Variants in PRR16 observed in about 807,000 individuals in gnomAD.
PRR16 encodes the protein protein Largen.
PRR16 carries 6 observed loss-of-function variants against 18.2 expected under a neutral mutation model. The ratio of observed to expected loss-of-function variants is 0.33; its 90% CI spans 0.18 to 0.65. The LOEUF (loss-of-function observed/expected upper bound fraction) is 0.65. Ranked by LOEUF, PRR16 falls within the 30% of genes least tolerant of loss-of-function variation. PRR16 has a pLI of 0.74. For synonymous variants in PRR16, 151 were observed against 147.8 expected, an observed-to-expected ratio of 1.02 and a Z score of -0.16; for missense variants, 412 against 376.6, an observed-to-expected ratio of 1.09 and a Z score of -0.78.
chr5:120,637,293 C>T lies in PRR16; in HGVS notation c.160-48661C>T, dbSNP rs150645102. 2.6e-3 allele frequency among the ~76,000 whole-genome samples: 297 copies of T among 113,600 alleles called. 3 individuals are homozygous for T. The highest frequency in any genetic ancestry group is 0.014 in the Middle Eastern group (2 of 142). 74.5% of individuals were successfully genotyped at this position (113,600 alleles called of 152,430 possible). A position where few individuals can be genotyped will look rare whatever the true frequency, so the allele number is the denominator to read the frequency against. ...GCAATCCTGCTACTAGGTATCTAGC[C>T]GGAGGAAAGTAAGCCATTATACGGA... On this transcript the variant is annotated intron_variant, in intron 1 of 1. Transcript: ENST00000407149.
At chr5:120,487,562 T>A (rs1358601964) in intron 1 of PRR16, among the ~76,000 whole-genome samples, 1 of 151,974 alleles carries the variant, frequency 6.6e-6, no homozygotes, top group Non-Finnish European at 1.5e-5. Context: ...GACGATGGGG[T>A]TTTCTAGATA....
chr5:120,523,844 A>G (rs1299345202), intron 1 of PRR16, among the ~76,000 whole-genome samples: 3 of 152,202 alleles, frequency 2.0e-5, no homozygotes, highest in African/African-American at 7.2e-5. Flanking sequence ...AGCTCATGTC[A>G]GAAACACTCT....
intron 1 of PRR16, among the ~76,000 whole-genome samples, chr5:120,583,812 A>G (rs1363341606): frequency 6.6e-6 from 1 of 152,140 alleles, no homozygotes; most frequent in African/African-American, 2.4e-5. Flanking sequence ...GGGATCTCAG[A>G]CCACTGGCAC....
the PRR16 span, among the ~76,000 whole-genome samples, chr5:120,754,362 A>AT: frequency 3.6e-5 from 2 of 55,040 alleles, no homozygotes; most frequent in African/African-American, 9.4e-5. Context: ...TGATGTATAT[A>AT]AATATATAAT....
chr5:120,577,473 C>G (rs1488824849), intron 1 of PRR16, among the ~76,000 whole-genome samples: 2 of 151,536 alleles, frequency 1.3e-5, no homozygotes, highest in Non-Finnish European at 2.9e-5. Flanking sequence ...AGGAATAATA[C>G]CAATGTTCAT....
the PRR16 span, among the ~76,000 whole-genome samples, chr5:120,701,979 G>A: frequency 1.3e-5 from 2 of 152,098 alleles, no homozygotes; most frequent in African/African-American, 2.4e-5. Flanking sequence ...AGGCATTTAG[G>A]TTTTAGGTCA....
the PRR16 span, among the ~76,000 whole-genome samples, chr5:120,754,401 T>TTATACTATATGGTATATATTATATAATA: frequency 1.5e-5 from 1 of 67,212 alleles, no homozygotes; most frequent in African/African-American, 6.7e-5. Flanking sequence ...ATGTTATATA[T>TTATACTATATGGTATATATTATATAATA]TATACTATAT....
chr5:120,501,434 C>A (rs1405500472), intron 1 of PRR16, among the ~76,000 whole-genome samples: 3 of 151,940 alleles, frequency 2.0e-5, no homozygotes, highest in Non-Finnish European at 2.9e-5. Context: ...CACACACACA[C>A]TCAAATAAAT....
At chr5:120,576,783 C>G (rs960031185) in intron 1 of PRR16, among the ~76,000 whole-genome samples, 1 of 152,064 alleles carries the variant, frequency 6.6e-6, no homozygotes, top group African/African-American at 2.4e-5. Flanking sequence ...TCCTGGCTTA[C>G]AGGCCTTAAT....
At chr5:120,745,446 A>G in the PRR16 span, among the ~76,000 whole-genome samples, 1 of 152,036 alleles carries the variant, frequency 6.6e-6, no homozygotes, top group Non-Finnish European at 1.5e-5. Context: ...ATGGATTTTT[A>G]GCAGATTTTT....
intron 1 of PRR16, among the ~76,000 whole-genome samples, chr5:120,610,482 A>C (rs972534735): frequency 2.0e-5 from 3 of 152,020 alleles, no homozygotes; most frequent in African/African-American, 7.2e-5. Context: ...CTTGAGTTAC[A>C]TGTCTCAGGA....
rs570903131 is a variant in PRR16 at position 120,469,993 on chromosome 5, T to A, written c.159+5348T>A. On this transcript the variant is annotated intron_variant, in intron 1 of 1. Transcript: ENST00000407149. ...TAGATAATAAAGCCAGTGTAATAGG[T>A]TTCATTATTACCTGGATTATGTTAT... Among the ~76,000 whole-genome samples the A allele has an allele frequency of 9.9e-5, 15 of 152,258 alleles. No individual in the cohort carries two copies. In the East Asian group the frequency reaches 2.7e-3, roughly 27 times the overall value.
intron 1 of PRR16, among the ~76,000 whole-genome samples, chr5:120,628,764 T>C (rs1329417240): frequency 6.6e-6 from 1 of 151,772 alleles, no homozygotes; most frequent in Non-Finnish European, 1.5e-5. Context: ...TATCTGTCTT[T>C]CCCATCTAAC....
At chr5:120,711,648 T>C in the PRR16 span, among the ~76,000 whole-genome samples, 8 of 152,168 alleles carry the variant, frequency 5.3e-5, no homozygotes, top group Admixed American at 2.0e-4. Flanking sequence ...TGGACACACT[T>C]GGCCACCAAG....
At chr5:120,488,135 T>C (rs1326418521) in intron 1 of PRR16, among the ~76,000 whole-genome samples, 10 of 152,200 alleles carry the variant, frequency 6.6e-5, no homozygotes, top group Non-Finnish European at 7.3e-5. Context: ...TCTGCCCGGC[T>C]TTGGTATCAG....
Position 120,609,416 on chromosome 5 carries a change from A to T in PRR16, c.160-76538A>T, listed in dbSNP as rs190795310. 4.5e-3 allele frequency among the ~76,000 whole-genome samples: 689 copies of T among 152,160 alleles called. 7 individuals are homozygous for T. The highest frequency in any genetic ancestry group is 0.016 in the African/African-American group (661 of 41,528). ...CTCTATCCTACTTTCTAAAAAAAAA[A>T]TTTTTAAAAAAGGAATATTCTTTAT... On this transcript the variant is annotated intron_variant, in intron 1 of 1. Coordinates refer to ENST00000407149, the MANE Select transcript of PRR16 (RefSeq NM_001300783.2).
intron 1 of PRR16, among the ~76,000 whole-genome samples, chr5:120,581,470 C>G (rs1336194471): frequency 6.6e-6 from 1 of 152,140 alleles, no homozygotes; most frequent in Non-Finnish European, 1.5e-5. Flanking sequence ...AAAAAACCAG[C>G]TCCTGGATTC....
At chr5:120,725,276 CT>C in the PRR16 span, among the ~76,000 whole-genome samples, 13 of 149,622 alleles carry the variant, frequency 8.7e-5, no homozygotes, top group African/African-American at 3.2e-4. Flanking sequence ...GGACTCTGAA[CT>C]CCTTGTGGTT....
intron 1 of PRR16, among the ~76,000 whole-genome samples, chr5:120,530,319 C>G (rs951660365): frequency 7.7e-6 from 1 of 130,158 alleles, no homozygotes; most frequent in Admixed American, 7.9e-5. Context: ...TTATATTTTA[C>G]TACACACACT....
Sources: gnomAD v4.1 joint callset for allele counts (sites outside exome capture counted in the v4.1 genomes callset) on GRCh38, gnomAD v4.1.1 for gene constraint, MANE v1.5 for transcripts, NCBI Gene and HGNC (gene_info 2026-07-23, HGNC 2026-07-21) for gene names.